Variants in LRRC37A2 observed in about 807,000 individuals in gnomAD.
LRRC37A2 encodes leucine rich repeat containing 37 member A2, also known as leucine-rich repeat-containing protein 37A2.
In LRRC37A2, 9 loss-of-function variants were observed where a neutral mutation model predicts 68.8. That is an observed-to-expected ratio of 0.13 (90% CI 0.08 to 0.23). LRRC37A2 has a LOEUF of 0.23. Ranked by LOEUF, LRRC37A2 falls within the 10% of genes least tolerant of loss-of-function variation. The pLI, the probability that LRRC37A2 is intolerant of heterozygous loss-of-function variation, is 1.00. For synonymous variants in LRRC37A2, 63 were observed against 367.6 expected (o/e 0.17, Z 9.48); for missense variants, 168 against 950.4 (o/e 0.18, Z 10.82).
chr17:46,903,685 G>A, the LRRC37A2 span, among the ~76,000 whole-genome samples: 22 of 151,366 alleles, frequency 1.5e-4, no homozygotes, highest in South Asian at 4.2e-4. Flanking sequence ...GTGGGCGGAT[G>A]TATGGGTGGG....
chr17:46,893,059 G>T, the LRRC37A2 span, among the ~76,000 whole-genome samples: 2 of 151,914 alleles, frequency 1.3e-5, no homozygotes, highest in Non-Finnish European at 2.9e-5. Flanking sequence ...TCAGCCTCCT[G>T]GGTAGCCGGG....
chr17:46,780,355 A>G, the LRRC37A2 span, among the ~76,000 whole-genome samples: 4 of 152,320 alleles, frequency 2.6e-5, no homozygotes, highest in South Asian at 2.1e-4. Context: ...TGGCCTCCCA[A>G]ATGGAATCAC....
chr17:47,049,022 T>C, the LRRC37A2 span: 1 of 551,762 alleles, frequency 1.8e-6, no homozygotes, highest in South Asian at 2.0e-5. Flanking sequence ...TTTCAAAAGA[T>C]ATATTTTCTC....
At chr17:46,844,559 G>A in the LRRC37A2 span, among the ~76,000 whole-genome samples, 2 of 152,030 alleles carry the variant, frequency 1.3e-5, no homozygotes, top group Non-Finnish European at 2.9e-5. Flanking sequence ...GGTGGTGGCC[G>A]ATTTCTAAAA....
At chr17:46,923,385 C>G in the LRRC37A2 span, 1 of 1,465,264 alleles carries the variant, frequency 6.8e-7, no homozygotes, top group Non-Finnish European at 9.0e-7. Context: ...GCGGGACTCC[C>G]AGGTCAGCCA....
chr17:47,033,439 G>A, the LRRC37A2 span: 3 of 690,774 alleles, frequency 4.3e-6, no homozygotes, highest in African/African-American at 1.8e-5. Flanking sequence ...CGCGCATATT[G>A]GGTGAGGGTC....
At chr17:46,852,090 G>A in the LRRC37A2 span, among the ~76,000 whole-genome samples, 1 of 152,244 alleles carries the variant, frequency 6.6e-6, no homozygotes, top group African/African-American at 2.4e-5. Flanking sequence ...TCACGCCGGT[G>A]CCCTGTCTGC....
At chr17:46,907,747 CG>C in the LRRC37A2 span, among the ~76,000 whole-genome samples, 1,316 of 145,044 alleles carry the variant, frequency 9.1e-3, 12 homozygotes, top group Non-Finnish European at 0.013. Flanking sequence ...AGCTACTCAG[CG>C]GGGGGGGTGA....
At chr17:47,000,076 A>AAATAAAATAAAATAT in the LRRC37A2 span, among the ~76,000 whole-genome samples, 4 of 25,536 alleles carry the variant, frequency 1.6e-4, no homozygotes, top group South Asian at 1.7e-3. Flanking sequence ...AAATAAAATA[A>AAATAAAATAAAATAT]AAAATAAAAT....
At chr17:46,816,112 T>TAC in the LRRC37A2 span, among the ~76,000 whole-genome samples, 24 of 31,236 alleles carry the variant, frequency 7.7e-4, no homozygotes, top group East Asian at 3.4e-3. Flanking sequence ...CGCGCGCACG[T>TAC]ACACACACAC....
At chr17:46,806,833 C>G in the LRRC37A2 span, among the ~76,000 whole-genome samples, 1 of 152,264 alleles carries the variant, frequency 6.6e-6, no homozygotes, top group Non-Finnish European at 1.5e-5. Context: ...CCGCTCCCCT[C>G]TGCTCCTCCT....
chr17:46,722,015 G>C, the LRRC37A2 span: 2 of 1,608,842 alleles, frequency 1.2e-6, no homozygotes, highest in African/African-American at 1.3e-5. Flanking sequence ...ACCAACTTCA[G>C]TTTCCTTGGC....
the LRRC37A2 span, among the ~76,000 whole-genome samples, chr17:47,015,006 C>CTTTTT: frequency 2.4e-4 from 25 of 106,132 alleles, no homozygotes; most frequent in Admixed American, 3.6e-4. Context: ...CCATTTTTAT[C>CTTTTT]TTTTTTTTTT....
the LRRC37A2 span, among the ~76,000 whole-genome samples, chr17:46,727,992 TTC>T: frequency 1.3e-5 from 2 of 152,138 alleles, no homozygotes; most frequent in African/African-American, 4.8e-5. Context: ...ATTTTGGATA[TTC>T]TGTTTTTTTT....
At chr17:46,900,223 A>ATATATATACACACATATATATATG in the LRRC37A2 span, among the ~76,000 whole-genome samples, 1 of 131,878 alleles carries the variant, frequency 7.6e-6, no homozygotes, top group East Asian at 2.1e-4. Context: ...ACACACACAT[A>ATATATATACACACATATATATATG]TATATATATA....
At chr17:46,839,166 C>A in the LRRC37A2 span, among the ~76,000 whole-genome samples, 3 of 152,234 alleles carry the variant, frequency 2.0e-5, no homozygotes, top group Admixed American at 6.5e-5. Flanking sequence ...GCGTGAGCCA[C>A]CGCACCTGGC....
At chr17:46,902,060 G>A in the LRRC37A2 span, among the ~76,000 whole-genome samples, 3 of 151,964 alleles carry the variant, frequency 2.0e-5, no homozygotes, top group Non-Finnish European at 2.9e-5. Flanking sequence ...CACCCACCTT[G>A]GCCTCCCAAA....
At chr17:46,980,666 C>CAAA in the LRRC37A2 span, among the ~76,000 whole-genome samples, 546 of 83,880 alleles carry the variant, frequency 6.5e-3, 25 homozygotes, top group East Asian at 0.034. Flanking sequence ...ACTAAAAATA[C>CAAA]AAAAAAAAAA....
the LRRC37A2 span, chr17:46,818,559 C>G: frequency 1.9e-6 from 3 of 1,609,010 alleles, no homozygotes; most frequent in South Asian, 3.3e-5. Context: ...TGCCACCGAG[C>G]AGGAGGCCGA....
Sources: allele counts gnomAD v4.1 joint callset (sites outside exome capture counted in the v4.1 genomes callset), GRCh38; gene constraint gnomAD v4.1.1; transcripts MANE v1.5; gene names NCBI Gene and HGNC (gene_info 2026-07-23, HGNC 2026-07-21).